The following CSMD1 variants were observed in gnomAD, a reference collection of about 807,000 sequenced individuals.
The protein encoded by CSMD1 is CUB and sushi domain-containing protein 1.
In CSMD1, 213 loss-of-function variants were observed where a neutral mutation model predicts 417.5. The observed-to-expected ratio is 0.51, with a 90% CI of 0.46 to 0.57. CSMD1 has a LOEUF of 0.57. CSMD1 is among the 20% of genes least tolerant of loss of function. The pLI is 0.00. For synonymous variants in CSMD1, 2,862 were observed against 1,736.8 expected, an observed-to-expected ratio of 1.65 and a Z score of -16.11; for missense variants, 6,923 against 4,529.7, an observed-to-expected ratio of 1.53 and a Z score of -15.17.
At chr8:4,673,174 G>T (rs985231896) in intron 1 of CSMD1, among the ~76,000 whole-genome samples, 2 of 152,052 alleles carry the variant, frequency 1.3e-5, no homozygotes, top group Non-Finnish European at 2.9e-5. Flanking sequence ...GAAGGAAAAA[G>T]AAAGAAAGAA....
chr8:4,432,685 TG>T (rs1797934787), intron 2 of CSMD1, among the ~76,000 whole-genome samples: 1 of 152,190 alleles, frequency 6.6e-6, no homozygotes, highest in African/African-American at 2.4e-5. Context: ...ATTCAAACCC[TG>T]GCGTCTCTCT....
intron 4 of CSMD1, among the ~76,000 whole-genome samples, chr8:4,026,825 G>A (rs1318407322): frequency 2.0e-5 from 3 of 152,172 alleles, no homozygotes; most frequent in Admixed American, 6.5e-5. Flanking sequence ...GTAGGGAGAT[G>A]ACAGGGAGAC....
chr8:4,719,698 T>G (rs1808926127), intron 1 of CSMD1, among the ~76,000 whole-genome samples: 3 of 152,344 alleles, frequency 2.0e-5, no homozygotes, highest in African/African-American at 7.2e-5. Context: ...TTGATTTATG[T>G]ATTTCAGTAA....
intron 3 of CSMD1, among the ~76,000 whole-genome samples, chr8:4,243,160 G>A (rs1585084987): frequency 6.6e-6 from 1 of 152,022 alleles, no homozygotes; most frequent in South Asian, 2.1e-4. Context: ...AGGAGGGAGA[G>A]TGCTTGCATG....
intron 3 of CSMD1, among the ~76,000 whole-genome samples, chr8:4,358,487 G>T (rs370131909): frequency 3.3e-5 from 5 of 152,238 alleles, no homozygotes; most frequent in African/African-American, 1.2e-4. Flanking sequence ...TCCACAAGGT[G>T]TATGTCTCCT....
chr8:4,859,197 A>G (rs1035269386), intron 1 of CSMD1, among the ~76,000 whole-genome samples: 5 of 151,958 alleles, frequency 3.3e-5, no homozygotes, highest in Admixed American at 6.6e-5. Context: ...TGGTGCTGGG[A>G]AAACTGGCTA....
At chr8:3,887,862 A>T (rs958775989) in intron 5 of CSMD1, among the ~76,000 whole-genome samples, 3 of 152,200 alleles carry the variant, frequency 2.0e-5, no homozygotes, top group Admixed American at 1.3e-4. Flanking sequence ...TCGAAGTCTT[A>T]TTCATGCTTT....
At chr8:3,342,331 A>G (rs1238658717) in intron 23 of CSMD1, among the ~76,000 whole-genome samples, 1 of 152,138 alleles carries the variant, frequency 6.6e-6, no homozygotes, top group Non-Finnish European at 1.5e-5. Context: ...TTTTTTGCCT[A>G]TCCATCAAAT....
At chr8:4,186,565 A>G (rs1798688253) in intron 3 of CSMD1, among the ~76,000 whole-genome samples, 1 of 152,332 alleles carries the variant, frequency 6.6e-6, no homozygotes, top group Non-Finnish European at 1.5e-5. Flanking sequence ...AGACGAAATA[A>G]TAGGAAGGGT....
intron 3 of CSMD1, among the ~76,000 whole-genome samples, chr8:4,167,608 G>C (rs1584946259): frequency 1.3e-5 from 2 of 152,236 alleles, no homozygotes; most frequent in Admixed American, 6.5e-5. Flanking sequence ...GCAGAAAAAA[G>C]GATATGTGGG....
rs377629790 is a variant in CSMD1, at chr8:3,142,556, G to A, written c.6150C>T (p.Pro2050=). The A allele has an allele frequency of 3.7e-6, 6 of 1,613,832 alleles. No homozygotes were observed. Among genetic ancestry groups the A allele is most frequent in the East Asian group, 4.5e-5 (2 of 44,886 alleles). The change falls in exon 41 of 70, where the codon CCC becomes CCT. Residue 2050 remains proline (P), a synonymous_variant. Transcript: ENST00000635120. ...CATGCGTTGTGCTCAGCAGGGCCGC[G>A]GGGAGATCCGTGCCGCTAAATTGTC... ...MIGQFSGTDL[P]AALLSTTHET...
intron 25 of CSMD1, among the ~76,000 whole-genome samples, chr8:3,299,927 T>G (rs2117332478): frequency 6.6e-6 from 1 of 152,294 alleles, no homozygotes; most frequent in East Asian, 1.9e-4. Flanking sequence ...GGCAATTTGG[T>G]AATGGCTATA....
At chr8:4,493,844 T>A (rs1038848247) in intron 2 of CSMD1, among the ~76,000 whole-genome samples, 26 of 152,220 alleles carry the variant, frequency 1.7e-4, no homozygotes, top group African/African-American at 5.8e-4. Flanking sequence ...GACACAGTTT[T>A]TATTTAGTTC....
intron 5 of CSMD1, among the ~76,000 whole-genome samples, chr8:3,917,283 T>C (rs925511764): frequency 3.3e-5 from 5 of 152,128 alleles, no homozygotes; most frequent in Non-Finnish European, 7.3e-5. Context: ...CTGAAGTTCC[T>C]GAAATTAGGT....
At chr8:4,617,336 T>A (rs1801527009) in intron 2 of CSMD1, among the ~76,000 whole-genome samples, 1 of 152,186 alleles carries the variant, frequency 6.6e-6, no homozygotes, top group Non-Finnish European at 1.5e-5. Context: ...CAAGTTTAAA[T>A]TAGAAAACGG....
At chr8:4,596,854 G>A (rs917800758) in intron 2 of CSMD1, among the ~76,000 whole-genome samples, 14 of 152,108 alleles carry the variant, frequency 9.2e-5, no homozygotes, top group African/African-American at 3.4e-4. Flanking sequence ...TTGAATCATG[G>A]GGGCTGATCT....
intron 50 of CSMD1, among the ~76,000 whole-genome samples, chr8:3,036,183 A>G (rs1003154903): frequency 9.9e-5 from 15 of 152,212 alleles, no homozygotes; most frequent in African/African-American, 3.4e-4. Flanking sequence ...GCCGTGAGTA[A>G]TTCTGATTTA....
At chr8:4,317,658 G>A (rs901406011) in intron 3 of CSMD1, among the ~76,000 whole-genome samples, 7 of 152,066 alleles carry the variant, frequency 4.6e-5, no homozygotes, top group African/African-American at 1.7e-4. Context: ...TGACAAGCAG[G>A]AAGTTTAAAT....
intron 1 of CSMD1, among the ~76,000 whole-genome samples, chr8:4,858,026 G>C (rs891378332): frequency 6.6e-5 from 10 of 152,104 alleles, no homozygotes; most frequent in African/African-American, 2.4e-4. Context: ...TAACATACTG[G>C]CAAAACGAAT....
Sources: gnomAD v4.1 joint callset for allele counts (sites outside exome capture counted in the v4.1 genomes callset) on GRCh38, gnomAD v4.1.1 for gene constraint, MANE v1.5 for transcripts, NCBI Gene and HGNC (gene_info 2026-07-23, HGNC 2026-07-21) for gene names.